Variants in RBFOX1 observed in about 807,000 individuals in gnomAD.
The protein encoded by RBFOX1 is RNA binding fox-1 homolog 1.
Under a neutral mutation model 57.7 loss-of-function variants are expected in RBFOX1, and 8 were observed. The ratio of observed to expected loss-of-function variants is 0.14; its 90% CI spans 0.08 to 0.25. RBFOX1 has a LOEUF of 0.25. Among genes scored for constraint, RBFOX1 ranks in the 10% least tolerant of loss-of-function variants. The pLI, the probability that RBFOX1 is intolerant of heterozygous loss-of-function variation, is 1.00. For synonymous variants in RBFOX1, 326 were observed against 222.4 expected (o/e 1.47, Z -4.15); for missense variants, 611 against 548.5 (o/e 1.11, Z -1.14).
chr16:7,242,029 C>T, intron 4 of RBFOX1, among the ~76,000 whole-genome samples: 1 of 151,832 alleles, frequency 6.6e-6, no homozygotes, highest in East Asian at 1.9e-4. Flanking sequence ...GTGCAGTGTC[C>T]CTGACCACTA....
chr16:5,867,742 C>G (rs969670212), intron 4 of RBFOX1, among the ~76,000 whole-genome samples: 2 of 152,002 alleles, frequency 1.3e-5, no homozygotes, highest in South Asian at 2.1e-4. Flanking sequence ...GACAGAGTCT[C>G]ACTCTGTTGC....
At chr16:7,237,534 A>T (rs1181761677) in intron 4 of RBFOX1, among the ~76,000 whole-genome samples, 3 of 152,232 alleles carry the variant, frequency 2.0e-5, no homozygotes, top group Non-Finnish European at 4.4e-5. Flanking sequence ...GAAAAGTGAA[A>T]AGCAAAGTGC....
At chr16:5,948,103 C>T (rs1016818619) in intron 4 of RBFOX1, among the ~76,000 whole-genome samples, 10 of 151,984 alleles carry the variant, frequency 6.6e-5, no homozygotes, top group Non-Finnish European at 4.4e-5. Flanking sequence ...TCTATGTTTG[C>T]AAGAAAGGAA....
At chr16:5,410,020 C>T (rs975983989) in intron 1 of RBFOX1, among the ~76,000 whole-genome samples, 2 of 150,038 alleles carry the variant, frequency 1.3e-5, no homozygotes, top group African/African-American at 5.0e-5. Context: ...TGCACTTCAG[C>T]CTGGGTGACA....
chr16:6,686,081 C>G (rs950738948), intron 3 of RBFOX1, among the ~76,000 whole-genome samples: 1 of 152,178 alleles, frequency 6.6e-6, no homozygotes, highest in Non-Finnish European at 1.5e-5. Context: ...CTGTGCTCAG[C>G]ACTGCATTAT....
At chr16:5,258,020 G>A (rs9937499) in intron 1 of RBFOX1, among the ~76,000 whole-genome samples, 51,192 of 151,726 alleles carry the variant, frequency 0.34, 8,847 homozygotes, top group African/African-American at 0.42. Context: ...CTGGGACTGC[G>A]GGTGCACACC....
chr16:6,794,074 C>T (rs1381981896), intron 3 of RBFOX1, among the ~76,000 whole-genome samples: 2 of 152,022 alleles, frequency 1.3e-5, no homozygotes, highest in East Asian at 3.9e-4. Context: ...TGCCCAATAA[C>T]ATCTGAAATG....
chr16:5,590,506 C>T (rs575081720), intron 2 of RBFOX1, among the ~76,000 whole-genome samples: 4 of 152,198 alleles, frequency 2.6e-5, no homozygotes, highest in East Asian at 1.9e-4. Context: ...GGGGAAGCCT[C>T]GGTGTCATTA....
chr16:6,106,948 G>T (rs760444230), intron 1 of RBFOX1, among the ~76,000 whole-genome samples: 1 of 152,104 alleles, frequency 6.6e-6, no homozygotes, highest in South Asian at 2.1e-4. Context: ...TGGGATTACA[G>T]GCGTGAGCCA....
At chr16:6,767,947 T>TAATAATAATAATAATAAGAAGAAGAAG (rs1410744665) in intron 3 of RBFOX1, among the ~76,000 whole-genome samples, 18 of 101,044 alleles carry the variant, frequency 1.8e-4, no homozygotes, top group African/African-American at 7.7e-4. Flanking sequence ...ATAATAATAA[T>TAATAATAATAATAATAAGAAGAAGAAG]AAGAAGAAGA....
chr16:7,614,509 G>A (rs928622702), intron 10 of RBFOX1: 1 of 152,114 alleles, frequency 6.6e-6, no homozygotes, highest in Non-Finnish European at 1.5e-5. Flanking sequence ...ACTTGCTTAT[G>A]TGCTAAAAAC....
At chr16:7,392,642 G>C (rs756693885) in intron 4 of RBFOX1, among the ~76,000 whole-genome samples, 1 of 152,112 alleles carries the variant, frequency 6.6e-6, no homozygotes, top group African/African-American at 2.4e-5. Context: ...TCCCCTATAG[G>C]TTAAGCTGAG....
chr16:5,831,613 CT>C (rs1040005233), intron 3 of RBFOX1, among the ~76,000 whole-genome samples: 22 of 152,038 alleles, frequency 1.4e-4, no homozygotes, highest in African/African-American at 5.1e-4. Flanking sequence ...CTGTAGTCTC[CT>C]GAGTAGCTGG....
At chr16:7,076,066 C>G (rs573051620) in intron 4 of RBFOX1, among the ~76,000 whole-genome samples, 1 of 146,422 alleles carries the variant, frequency 6.8e-6, no homozygotes, top group Non-Finnish European at 1.5e-5. Context: ...TTTTTCGAGA[C>G]GAGTCTTGTT....
rs1399933699 is a variant in RBFOX1 at position 6,804,997 on chromosome 16, A to G, written c.-16+150347A>G. Among the ~76,000 whole-genome samples the G allele has an allele frequency of 2.0e-5, 3 of 152,204 alleles. No homozygotes were observed. The East Asian group carries it at 5.8e-4, about 29-fold the overall frequency. On this transcript the variant is annotated intron_variant, in intron 3 of 15. Transcript: ENST00000550418. Reference sequence around the variant, plus strand: ...CACTGTGAAAGGCAATTCATCAAAGATCTGAAAACTGAATACCATTTGACC... The same window carrying G: ...CACTGTGAAAGGCAATTCATCAAAGGTCTGAAAACTGAATACCATTTGACC...
At chr16:7,666,141 G>C (rs1007458101) in intron 13 of RBFOX1, among the ~76,000 whole-genome samples, 1 of 151,992 alleles carries the variant, frequency 6.6e-6, no homozygotes, top group African/African-American at 2.4e-5. Context: ...TAAATTATGA[G>C]GCAGGCTGGG....
intron 4 of RBFOX1, among the ~76,000 whole-genome samples, chr16:7,179,604 T>A (rs74012706): frequency 0.053 from 8,051 of 152,096 alleles, 653 homozygotes; most frequent in African/African-American, 0.18. Flanking sequence ...CCTTTTTTTT[T>A]TATATATTAA....
chr16:5,775,226 C>G (rs1480592668), intron 3 of RBFOX1, among the ~76,000 whole-genome samples: 1 of 152,194 alleles, frequency 6.6e-6, no homozygotes, highest in Non-Finnish European at 1.5e-5. Context: ...CCAAATGTAT[C>G]TCCTTACTCA....
At chr16:5,513,586 G>A (rs2043683531) in intron 2 of RBFOX1, among the ~76,000 whole-genome samples, 1 of 152,124 alleles carries the variant, frequency 6.6e-6, no homozygotes, top group African/African-American at 2.4e-5. Context: ...CATTGATGGA[G>A]GAGTATCTAC....
Sources: gnomAD v4.1 joint callset for allele counts (sites outside exome capture counted in the v4.1 genomes callset) on GRCh38, gnomAD v4.1.1 for gene constraint, MANE v1.5 for transcripts, NCBI Gene and HGNC (gene_info 2026-07-23, HGNC 2026-07-21) for gene names.